The following IL3RA variants were observed in gnomAD, a reference collection of about 807,000 sequenced individuals.
IL3RA encodes the protein interleukin 3 receptor subunit alpha.
In IL3RA, 73 loss-of-function variants were observed where a neutral mutation model predicts 52.3. The ratio of observed to expected loss-of-function variants is 1.40; its 90% CI spans 1.16 to 1.70. The LOEUF is 1.70. IL3RA is among the 40% of genes most tolerant of loss of function. The probability of loss-of-function intolerance (pLI) is 0.00; values close to 1 mark genes in which losing one functional copy is unlikely to be tolerated. For missense variants in IL3RA, 664 were observed against 504.4 expected, an observed-to-expected ratio of 1.32 and a Z score of -3.03; for synonymous variants, 260 against 194.0, an observed-to-expected ratio of 1.34 and a Z score of -2.83.
At chrX:1,367,455 A>C (rs1176766808) in intron 9 of IL3RA, among the ~76,000 whole-genome samples, 4 of 29,800 alleles carry the variant, frequency 1.3e-4, no homozygotes, top group African/African-American at 1.6e-4. Flanking sequence ...GCGCGGGGTG[A>C]GCGGGGTGCG....
At chrX:1,360,686 CT>C (rs113939418) in intron 8 of IL3RA, among the ~76,000 whole-genome samples, 24,477 of 144,788 alleles carry the variant, frequency 0.17, 4,797 homozygotes, top group African/African-American at 0.48. Context: ...GCCCAACTAA[CT>C]TTTTTTTTTT....
intron 4 of IL3RA, among the ~76,000 whole-genome samples, 165 bp downstream of exon 4, chrX:1,348,710 C>CTGTT (rs1556619201): frequency 3.4e-5 from 3 of 87,014 alleles, no homozygotes; most frequent in African/African-American, 1.2e-4. Flanking sequence ...CTTTCTGTTT[C>CTGTT]TGTTTCTTTC....
intron 1 of IL3RA, among the ~76,000 whole-genome samples, chrX:1,338,659 TTATTCCC>T (rs1402783959): frequency 6.6e-6 from 1 of 152,188 alleles, no homozygotes; most frequent in African/African-American, 2.4e-5. Context: ...ATGATTCCAT[TTATTCCC>T]TATGTCCAGA....
chrX:1,344,826 G>C (rs1603443207), intron 2 of IL3RA, among the ~76,000 whole-genome samples: 1 of 151,158 alleles, frequency 6.6e-6, no homozygotes, highest in East Asian at 2.0e-4. Context: ...AAAGGTATTG[G>C]CTAACTCCAC....
intron 4 of IL3RA, among the ~76,000 whole-genome samples, chrX:1,350,136 G>C (rs2086018158): frequency 6.6e-6 from 1 of 152,140 alleles, no homozygotes; most frequent in African/African-American, 2.4e-5. Flanking sequence ...TGAGAGCTGA[G>C]AGAGGTGGGT....
chrX:1,368,516 C>T (rs1268867520), intron 9 of IL3RA, among the ~76,000 whole-genome samples: 3 of 152,074 alleles, frequency 2.0e-5, no homozygotes, highest in African/African-American at 7.2e-5. Flanking sequence ...AATTGTGTTC[C>T]CTCAAAATTC....
At chrX:1,370,772 C>T (rs2088527966) in intron 9 of IL3RA, among the ~76,000 whole-genome samples, 1 of 69,682 alleles carries the variant, frequency 1.4e-5, no homozygotes, top group Non-Finnish European at 2.6e-5. Flanking sequence ...GAGACGAGGA[C>T]ACAGACACAC....
chrX:1,350,014 G>C (rs1294534997), intron 4 of IL3RA, among the ~76,000 whole-genome samples: 3 of 152,056 alleles, frequency 2.0e-5, no homozygotes, highest in Admixed American at 2.0e-4. Flanking sequence ...GGAAAAAAAA[G>C]ACCACTCCAG....
At position 1,345,422 on chromosome X, in the gene IL3RA, C is replaced by A; in HGVS notation, c.171C>A (p.Asp57Glu). ...ATATCGAGTGTGTTAAAGACGCCGA[C>A]TATTCTATGCCGGTAAATCATACTC... ...VTDIECVKDA[D>E]YSMPAVNNSY... Residue 57 changes from aspartate (D) to glutamate (E), a missense_variant, in exon 3 of 12, where the codon GAC becomes GAA. Coordinates refer to ENST00000331035, the MANE Select transcript of IL3RA (RefSeq NM_002183.4). 6.3e-7 allele frequency: 1 copy of A among 1,590,828 alleles called. No homozygotes were observed. Among genetic ancestry groups the A allele is most frequent in the Non-Finnish European group, 8.6e-7 (1 of 1,163,542 alleles).
At chrX:1,354,172 C>T (rs1482426735) in intron 6 of IL3RA, among the ~76,000 whole-genome samples, 2 of 151,406 alleles carry the variant, frequency 1.3e-5, no homozygotes, top group Admixed American at 6.6e-5. Flanking sequence ...TCATGGGTCA[C>T]GGGAGCCCCC....
At chrX:1,377,907 C>T (rs1228493055) in intron 9 of IL3RA, among the ~76,000 whole-genome samples, 4 of 150,062 alleles carry the variant, frequency 2.7e-5, no homozygotes, top group South Asian at 2.1e-4. Flanking sequence ...AAAAAATAGG[C>T]CGGGTGCGTG....
At chrX:1,357,953 A>C (rs2086864316) in intron 7 of IL3RA, among the ~76,000 whole-genome samples, 1 of 151,208 alleles carries the variant, frequency 6.6e-6, no homozygotes, top group African/African-American at 2.4e-5. Context: ...ATACAAAAAA[A>C]AATTAGCTGG....
At chrX:1,344,761 A>G (rs1294755835) in intron 2 of IL3RA, among the ~76,000 whole-genome samples, 2 of 151,422 alleles carry the variant, frequency 1.3e-5, no homozygotes, top group African/African-American at 4.9e-5. Flanking sequence ...TGACAAGAGC[A>G]AAACTCCGTC....
At position 1,382,645 on chromosome X, in the gene IL3RA, T is replaced by G. The variant is rs751107149; in HGVS notation, c.*180T>G. 2.0e-5 allele frequency: 13 copies of G among 638,234 alleles called. No homozygotes were observed. Among genetic ancestry groups the G allele is most frequent in the Non-Finnish European group, 3.1e-5 (11 of 351,422 alleles). 39.5% of individuals were successfully genotyped at this position (638,234 alleles called of 1,614,324 possible). ...GCTGCCAGGAAGAAGAACAGAACTT[T>G]GTGTGTTTATTTCATGATAAAGTGA... is the stretch of plus-strand genomic sequence containing the variant. On this transcript the variant is annotated 3_prime_UTR_variant, in exon 12 of 12. Coordinates refer to ENST00000331035, the MANE Select transcript of IL3RA (RefSeq NM_002183.4).
intron 9 of IL3RA, among the ~76,000 whole-genome samples, chrX:1,377,878 A>G (rs1334173145): frequency 1.4e-5 from 2 of 138,114 alleles, no homozygotes; most frequent in South Asian, 2.1e-4. Flanking sequence ...GTCTCAAAAA[A>G]AAAAAAAAGA....
At chrX:1,355,865 T>A (rs1386449852) in intron 6 of IL3RA, among the ~76,000 whole-genome samples, 1 of 151,992 alleles carries the variant, frequency 6.6e-6, no homozygotes, top group Non-Finnish European at 1.5e-5. Context: ...CCAGCGGGGC[T>A]GAGCCTAGAG....
chrX:1,346,413 T>C (rs6603267), intron 3 of IL3RA, among the ~76,000 whole-genome samples: 29,401 of 151,564 alleles, frequency 0.19, 3,558 homozygotes, highest in Middle Eastern at 0.42. Flanking sequence ...CACTCCAGCC[T>C]GGGGGACGAG....
intron 6 of IL3RA, among the ~76,000 whole-genome samples, chrX:1,355,840 A>T (rs1387915332): frequency 6.6e-6 from 1 of 151,566 alleles, no homozygotes; most frequent in Non-Finnish European, 1.5e-5. Context: ...AGGGGTGGGG[A>T]GTGGGCCAGG....
chrX:1,353,356 A>G (rs1467742048), intron 6 of IL3RA, among the ~76,000 whole-genome samples: 6 of 138,320 alleles, frequency 4.3e-5, no homozygotes, highest in African/African-American at 1.7e-4. Flanking sequence ...ATCATGAGTC[A>G]TGGGATCCCT....
Sources: gnomAD v4.1 joint callset for allele counts (sites outside exome capture counted in the v4.1 genomes callset) on GRCh38, gnomAD v4.1.1 for gene constraint, MANE v1.5 for transcripts, NCBI Gene and HGNC (gene_info 2026-07-23, HGNC 2026-07-21) for gene names.